Variants in DLG2 observed in about 807,000 individuals in gnomAD.
DLG2 encodes disks large homolog 2.
In DLG2, 45 loss-of-function variants were observed where a neutral mutation model predicts 132.5. The ratio of observed to expected loss-of-function variants is 0.34; its 90% CI spans 0.27 to 0.44. The LOEUF (loss-of-function observed/expected upper bound fraction) is 0.44, where lower values mean the gene tolerates loss of function less well. DLG2 is among the 20% of genes least tolerant of loss of function. The pLI is 1.00. For missense variants in DLG2, 1,045 were observed against 1,196.9 expected, an observed-to-expected ratio of 0.87 and a Z score of 1.87; for synonymous variants, 424 against 419.6, an observed-to-expected ratio of 1.01 and a Z score of -0.13.
intron 5 of DLG2, among the ~76,000 whole-genome samples, chr11:85,143,112 G>C (rs534519440): frequency 4.0e-5 from 6 of 151,770 alleles, no homozygotes; most frequent in Admixed American, 2.0e-4. Context: ...TTTTCAAGTA[G>C]TTTGAGTAGG....
chr11:83,536,727 G>A (rs2095886994), intron 20 of DLG2, among the ~76,000 whole-genome samples: 3 of 152,156 alleles, frequency 2.0e-5, no homozygotes, highest in Admixed American at 2.0e-4. Context: ...GATGCTTAAT[G>A]AGACTTTGTT....
intron 3 of DLG2, among the ~76,000 whole-genome samples, chr11:85,493,058 C>G (rs1408506323): frequency 6.6e-6 from 1 of 151,868 alleles, no homozygotes; most frequent in Non-Finnish European, 1.5e-5. Context: ...TTTCCTGAGT[C>G]ATATTGGCAG....
chr11:83,732,665 T>C (rs1467936366), intron 18 of DLG2, among the ~76,000 whole-genome samples: 1 of 152,226 alleles, frequency 6.6e-6, no homozygotes, highest in Non-Finnish European at 1.5e-5. Context: ...TTCATTATCA[T>C]GTGTGCTTTC....
intron 6 of DLG2, among the ~76,000 whole-genome samples, chr11:84,875,988 T>C (rs2086285286): frequency 6.6e-6 from 1 of 152,206 alleles, no homozygotes; most frequent in African/African-American, 2.4e-5. Context: ...TCCACCTGCC[T>C]TGGCCTCCCA....
Position 85,058,803 on chromosome 11 carries a change from T to C in DLG2, c.357+52858A>G, listed in dbSNP as rs147852121. Reference sequence around the variant, plus strand: ...GGTGTTCTTATCAACAAATAATTAATTATATATCCATATGAGGGAAAATGA... The same window carrying C: ...GGTGTTCTTATCAACAAATAATTAACTATATATCCATATGAGGGAAAATGA... On this transcript the variant is annotated intron_variant, in intron 6 of 27. Coordinates refer to ENST00000376104, the MANE Select transcript of DLG2 (RefSeq NM_001142699.3). 4.9e-4 allele frequency among the ~76,000 whole-genome samples: 75 copies of C among 151,576 alleles called. No homozygotes were observed. In the East Asian group the frequency reaches 9.3e-3, roughly 19 times the overall value.
chr11:85,007,753 T>C (rs2058818377), intron 6 of DLG2, among the ~76,000 whole-genome samples: 1 of 151,930 alleles, frequency 6.6e-6, no homozygotes, highest in African/African-American at 2.4e-5. Flanking sequence ...CTCTCTGGTT[T>C]TCTACTTGAT....
chr11:84,501,670 C>CT (rs1242044400), intron 7 of DLG2, among the ~76,000 whole-genome samples: 1 of 152,264 alleles, frequency 6.6e-6, no homozygotes, highest in East Asian at 1.9e-4. Context: ...ATGCAGCTTA[C>CT]TGTAAACTTT....
chr11:84,841,853 T>A (rs1305294261), intron 6 of DLG2, among the ~76,000 whole-genome samples: 1 of 152,032 alleles, frequency 6.6e-6, no homozygotes, highest in Non-Finnish European at 1.5e-5. Context: ...ATAATTTTTT[T>A]AACCATTCCT....
At chr11:83,577,618 T>C (rs1313271260) in intron 19 of DLG2, among the ~76,000 whole-genome samples, 2 of 121,552 alleles carry the variant, frequency 1.6e-5, no homozygotes, top group Non-Finnish European at 3.3e-5. Context: ...TATTATAACA[T>C]ATATATGTTA....
rs115129780 is a variant in DLG2 at position 85,120,068 on chromosome 11, C to T, written c.283-8333G>A. Among the ~76,000 whole-genome samples the T allele has an allele frequency of 3.3e-3, 496 of 152,156 alleles. 1 individual carries two copies. The highest frequency in any genetic ancestry group is 0.012 in the African/African-American group (484 of 41,564). ...TGGATAGTGTTTTCTGAAAAGTACA[C>T]ATGGAATGCCACCAAGTTAATTGTA... On this transcript the variant is annotated intron_variant, in intron 5 of 27. Transcript: ENST00000376104.
intron 6 of DLG2, among the ~76,000 whole-genome samples, chr11:84,653,215 C>T (rs1471830514): frequency 6.6e-6 from 1 of 152,126 alleles, no homozygotes; most frequent in Non-Finnish European, 1.5e-5. Context: ...CAAGCGTGAG[C>T]CACTGCACCT....
intron 4 of DLG2, among the ~76,000 whole-genome samples, chr11:85,256,318 C>T (rs2076662172): frequency 6.6e-6 from 1 of 152,104 alleles, no homozygotes; most frequent in Non-Finnish European, 1.5e-5. Context: ...TGACCAAACT[C>T]CAGGCGAAGA....
intron 3 of DLG2, among the ~76,000 whole-genome samples, chr11:85,315,763 CCA>C (rs1396263521): frequency 6.6e-6 from 1 of 151,992 alleles, no homozygotes; most frequent in African/African-American, 2.4e-5. Flanking sequence ...AACGCTCAGT[CCA>C]CACAGGAGTG....
intron 15 of DLG2, among the ~76,000 whole-genome samples, chr11:83,925,673 A>C (rs967197992): frequency 2.0e-5 from 3 of 152,098 alleles, no homozygotes; most frequent in African/African-American, 7.2e-5. Flanking sequence ...TTTCCCATCC[A>C]AAACCTGCCA....
At chr11:83,659,442 AC>A (rs2073670267) in intron 18 of DLG2, among the ~76,000 whole-genome samples, 1 of 152,076 alleles carries the variant, frequency 6.6e-6, no homozygotes, top group Non-Finnish European at 1.5e-5. Context: ...TTACTCCTTT[AC>A]CCTTCTTTAC....
chr11:84,725,991 G>A (rs1479301299), intron 6 of DLG2, among the ~76,000 whole-genome samples: 1 of 151,852 alleles, frequency 6.6e-6, no homozygotes, highest in Admixed American at 6.6e-5. Flanking sequence ...CCCTTTCTCA[G>A]CTCTTCCATA....
At chr11:84,130,613 A>G (rs1861332888) in intron 9 of DLG2, among the ~76,000 whole-genome samples, 1 of 151,102 alleles carries the variant, frequency 6.6e-6, no homozygotes, top group South Asian at 2.1e-4. Context: ...AAAAATCTGT[A>G]TATGATCGTT....
intron 7 of DLG2, among the ~76,000 whole-genome samples, chr11:84,452,180 AGAG>A (rs1196209147): frequency 2.6e-5 from 4 of 151,406 alleles, no homozygotes; most frequent in African/African-American, 7.3e-5. Flanking sequence ...AGGAAGAGGA[AGAG>A]GAGGAGGAGG....
At chr11:84,652,873 G>A (rs1353946701) in intron 6 of DLG2, among the ~76,000 whole-genome samples, 1 of 151,656 alleles carries the variant, frequency 6.6e-6, no homozygotes, top group East Asian at 1.9e-4. Flanking sequence ...TCTAAAGTCA[G>A]TGTGTTTCAC....
Sources: allele counts gnomAD v4.1 joint callset (sites outside exome capture counted in the v4.1 genomes callset), GRCh38; gene constraint gnomAD v4.1.1; transcripts MANE v1.5; gene names NCBI Gene and HGNC (gene_info 2026-07-23, HGNC 2026-07-21).